Variants in CEP128 observed in about 807,000 individuals in gnomAD.
CEP128 encodes centrosomal protein 128kDa.
In CEP128, 132 loss-of-function variants were observed where a neutral mutation model predicts 156.7. The ratio of observed to expected loss-of-function variants is 0.84; its 90% CI spans 0.73 to 0.97. The LOEUF is 0.97. Ranked by LOEUF, CEP128 falls within the 50% of genes least tolerant of loss-of-function variation. The pLI, the probability that CEP128 is intolerant of heterozygous loss-of-function variation, is 0.00. For synonymous variants in CEP128, 469 were observed against 448.9 expected (o/e 1.04, Z -0.57); for missense variants, 1,252 against 1,281.9 (o/e 0.98, Z 0.36).
At chr14:80,912,944 T>A (rs1884333702) in intron 4 of CEP128, among the ~76,000 whole-genome samples, 1 of 152,118 alleles carries the variant, frequency 6.6e-6, no homozygotes, top group South Asian at 2.1e-4. Flanking sequence ...ATTAGAAACA[T>A]GAAGGAATAA....
chr14:80,826,730 AACATTTAAT>A (rs1885502346), intron 13 of CEP128, among the ~76,000 whole-genome samples: 1 of 152,198 alleles, frequency 6.6e-6, no homozygotes. Context: ...TATCACTTTC[AACATTTAAT>A]CTAAATTATG....
At chr14:80,580,353 T>C (rs1891533389) in intron 20 of CEP128, 21 bp downstream of exon 20, 2 of 1,529,024 alleles carry the variant, frequency 1.3e-6, no homozygotes, top group Admixed American at 1.7e-5. Flanking sequence ...CCAAGCATGC[T>C]TGCCCTATTT....
At chr14:80,701,997 T>C (rs935924398) in intron 19 of CEP128, among the ~76,000 whole-genome samples, 6 of 152,198 alleles carry the variant, frequency 3.9e-5, no homozygotes, top group Admixed American at 2.6e-4. Context: ...ACTTCCTGAA[T>C]GGAACCCACT....
chr14:80,927,591 G>C (rs993581160), intron 2 of CEP128, among the ~76,000 whole-genome samples: 4 of 152,218 alleles, frequency 2.6e-5, no homozygotes, highest in Non-Finnish European at 5.9e-5. Flanking sequence ...ACTTCGTGCA[G>C]AGTGTGACTG....
chr14:80,760,889 T>C (rs915963074), intron 17 of CEP128, among the ~76,000 whole-genome samples: 4 of 152,108 alleles, frequency 2.6e-5, no homozygotes, highest in Non-Finnish European at 5.9e-5. Context: ...TTAATTTAGG[T>C]TCCAGAGTTA....
chr14:80,559,369 AT>A, intron 20 of CEP128, 67 bp from the exon 21 acceptor site: 1 of 1,249,610 alleles, frequency 8.0e-7, no homozygotes, highest in Non-Finnish European at 1.1e-6. Flanking sequence ...AGTTTACTTA[AT>A]TTACAAGTAT....
chr14:80,856,728 T>C (rs1680288087), intron 9 of CEP128, among the ~76,000 whole-genome samples: 3 of 108,484 alleles, frequency 2.8e-5, no homozygotes, highest in East Asian at 2.3e-4. Flanking sequence ...TTCTTTTTTT[T>C]TTTTTTTTTT....
intron 19 of CEP128, among the ~76,000 whole-genome samples, chr14:80,742,551 A>C (rs1039251464): frequency 1.3e-5 from 2 of 152,206 alleles, no homozygotes; most frequent in African/African-American, 2.4e-5. Context: ...TGTGAAGCCA[A>C]ATTCCCCTTA....
chr14:80,867,451 G>T (rs1307487643), intron 8 of CEP128, among the ~76,000 whole-genome samples: 1 of 152,122 alleles, frequency 6.6e-6, no homozygotes, highest in Non-Finnish European at 1.5e-5. Flanking sequence ...AAAACTATGG[G>T]AAAGGACAAG....
At chr14:80,775,186 C>T (rs1356659600) in intron 16 of CEP128, among the ~76,000 whole-genome samples, 1 of 152,122 alleles carries the variant, frequency 6.6e-6, no homozygotes, top group Non-Finnish European at 1.5e-5. Context: ...TATTATTATG[C>T]CCATTTGAAG....
chr14:80,627,611 T>A (rs905775441), intron 19 of CEP128, among the ~76,000 whole-genome samples: 3 of 152,176 alleles, frequency 2.0e-5, no homozygotes, highest in African/African-American at 7.2e-5. Flanking sequence ...ATATGTTTAT[T>A]TAGATTGTAC....
chr14:80,490,880 C>T (rs893709802), intron 6 of CEP128, among the ~76,000 whole-genome samples: 2 of 147,402 alleles, frequency 1.4e-5, no homozygotes, highest in African/African-American at 2.5e-5. Flanking sequence ...TTGAATTTGA[C>T]CATTGATCAC....
intron 21 of CEP128, among the ~76,000 whole-genome samples, chr14:80,533,470 T>C (rs137967561): frequency 6.6e-6 from 1 of 152,250 alleles, no homozygotes; most frequent in African/African-American, 2.4e-5. Context: ...AAGTAAATAG[T>C]TTTGCTTAAA....
At chr14:80,935,179 AAAAC>A (rs1463502311) in intron 2 of CEP128, among the ~76,000 whole-genome samples, 2 of 152,354 alleles carry the variant, frequency 1.3e-5, no homozygotes, top group Non-Finnish European at 1.5e-5. Context: ...GCAAAAAACA[AAAAC>A]AAACAAACAA....
At chr14:80,819,112 A>G (rs1452224789) in intron 13 of CEP128, among the ~76,000 whole-genome samples, 2 of 152,178 alleles carry the variant, frequency 1.3e-5, no homozygotes, top group Non-Finnish European at 2.9e-5. Context: ...GAAGCTGGAA[A>G]TCAAAGATCT....
chr14:80,785,608 A>T (rs1901367248), intron 14 of CEP128, 63 bp from the exon 15 acceptor site: 37 of 1,198,908 alleles, frequency 3.1e-5, no homozygotes, highest in Non-Finnish European at 4.2e-5. Flanking sequence ...TTCACCATAG[A>T]CTCTGCCAGT....
At chr14:80,954,873 TA>T (rs1886570694) in intron 2 of CEP128, 1 of 152,532 alleles carries the variant, frequency 6.6e-6, no homozygotes, top group African/African-American at 2.4e-5. Context: ...GACCCATTAT[TA>T]AGGGAACCTG....
At chr14:80,761,201 C>CTT (rs1326192702) in intron 17 of CEP128, among the ~76,000 whole-genome samples, 42 of 138,000 alleles carry the variant, frequency 3.0e-4, no homozygotes, top group East Asian at 1.3e-3. Flanking sequence ...TAAGATTTTT[C>CTT]TTTTTTTTTT....
At chr14:80,491,003 A>C (rs753068574) in intron 6 of CEP128, among the ~76,000 whole-genome samples, 1 of 152,230 alleles carries the variant, frequency 6.6e-6, no homozygotes, top group Non-Finnish European at 1.5e-5. Flanking sequence ...GCACCCAGAT[A>C]ATACTGCTGC....
Sources: gnomAD v4.1 joint callset for allele counts (sites outside exome capture counted in the v4.1 genomes callset) on GRCh38, gnomAD v4.1.1 for gene constraint, MANE v1.5 for transcripts, NCBI Gene and HGNC (gene_info 2026-07-23, HGNC 2026-07-21) for gene names.